The following ANKH variants were observed in gnomAD, a reference collection of about 807,000 sequenced individuals.
ANKH encodes the protein mineralization regulator ANKH.
Under a neutral mutation model 49.0 loss-of-function variants are expected in ANKH, and 15 were observed. That is an observed-to-expected ratio of 0.31 (90% CI 0.20 to 0.47). The LOEUF (loss-of-function observed/expected upper bound fraction) is 0.47. ANKH is among the 20% of genes least tolerant of loss of function. ANKH has a pLI of 1.00. For missense variants in ANKH, 429 were observed against 652.0 expected, an observed-to-expected ratio of 0.66 and a Z score of 3.72; for synonymous variants, 273 against 260.0, an observed-to-expected ratio of 1.05 and a Z score of -0.48.
chr5:14,788,869 A>G (rs572024273), intron 1 of ANKH, among the ~76,000 whole-genome samples: 67 of 152,304 alleles, frequency 4.4e-4, no homozygotes, highest in Middle Eastern at 3.4e-3. Context: ...CTGTGCAAAA[A>G]GGGGGAAAGA....
chr5:14,867,081 T>C (rs1364164365), intron 1 of ANKH, among the ~76,000 whole-genome samples: 1 of 141,076 alleles, frequency 7.1e-6, no homozygotes, highest in Non-Finnish European at 1.5e-5. Flanking sequence ...CGCTTGAGCC[T>C]GGGAAATGGT....
Position 14,718,831 on chromosome 5 carries a change from C to CA in ANKH, c.1012-1997_1012-1996insT, listed in dbSNP as rs1000393287. Among the ~76,000 whole-genome samples the CA allele has an allele frequency of 5.7e-5, 8 of 140,600 alleles. 1 individual carries two copies. The highest frequency in any genetic ancestry group is 7.7e-5 in the Non-Finnish European group (5 of 64,560). The allele number at this position is 140,600 out of a possible 152,430, so 92.2% of individuals were successfully genotyped here. ...CGAAACTCCATCCTCCCAACACCAC[C>CA]CCCCCCCCAAAAAAAAAAGACATAG... On this transcript the variant is annotated intron_variant, in intron 8 of 11. Coordinates refer to ENST00000284268, the MANE Select transcript of ANKH (RefSeq NM_054027.6).
At chr5:14,860,901 G>A (rs957878790) in intron 1 of ANKH, among the ~76,000 whole-genome samples, 3 of 152,012 alleles carry the variant, frequency 2.0e-5, no homozygotes, top group African/African-American at 7.2e-5. Context: ...TCCTGCCTCA[G>A]CCTCCCAAGT....
chr5:14,776,114 C>A (rs768221943), intron 1 of ANKH, among the ~76,000 whole-genome samples: 1 of 152,172 alleles, frequency 6.6e-6, no homozygotes, highest in South Asian at 2.1e-4. Flanking sequence ...GGCAGGGGGC[C>A]GCCCCCCGCA....
At position 14,770,548 on chromosome 5, in the gene ANKH, T is replaced by C. The variant is rs1739400438; in HGVS notation, c.97-1357A>G. Among the ~76,000 whole-genome samples, 1 of 152,104 alleles carries C rather than the reference T, an allele frequency of 6.6e-6. No individual in the cohort carries two copies. Among genetic ancestry groups the C allele is most frequent in the Non-Finnish European group, 1.5e-5 (1 of 68,034 alleles). ...TATTAACAATATATTATAATAAAAGTTTTATCAATGTGGTCTTTCTCTCAA... is the reference window on the plus strand; with the variant it reads ...TATTAACAATATATTATAATAAAAGCTTTATCAATGTGGTCTTTCTCTCAA... On this transcript the variant is annotated intron_variant, in intron 1 of 11. Transcript: ENST00000284268. This position sits in a 1 kb window ranked among gnomAD's most constrained non-coding sequence, Gnocchi z 4.1.
intron 5 of ANKH, 27 bp from the exon 6 acceptor site, chr5:14,749,333 T>TA (rs1738639148): frequency 6.2e-7 from 1 of 1,613,754 alleles, no homozygotes; most frequent in African/African-American, 1.3e-5. Context: ...AGATAAAAGT[T>TA]ACCTGAACTC....
intron 1 of ANKH, chr5:14,869,028 C>A (rs1735740026): frequency 6.6e-6 from 1 of 152,242 alleles, no homozygotes; most frequent in Non-Finnish European, 1.5e-5. Flanking sequence ...AGGTGTAATA[C>A]ACCTGCCCAC....
chr5:14,751,261 A>G, intron 4 of ANKH, 22 bp from the exon 5 acceptor site: 1 of 1,613,374 alleles, frequency 6.2e-7, no homozygotes, highest in African/African-American at 1.3e-5. Flanking sequence ...GAGAACGGGA[A>G]CAGGTCAGAG....
At position 14,738,204 on chromosome 5, in the gene ANKH, T is replaced by G. The variant is rs145524136; in HGVS notation, c.1011+3623A>C. 7.9e-5 allele frequency among the ~76,000 whole-genome samples: 12 copies of G among 152,256 alleles called. No homozygotes were observed. The East Asian group carries it at 1.5e-3, about 20-fold the overall frequency. The stretch of plus-strand genomic sequence containing the variant: ...GTGTAATAGGGAATAAACAAACACG[T>G]CATTGTAACATGCTGAAATGAGCCT... On this transcript the variant is annotated intron_variant, in intron 8 of 11. Transcript: ENST00000284268.
At chr5:14,871,306 G>A (rs368765666) in intron 1 of ANKH, 46 bp downstream of exon 1, 17 of 1,560,658 alleles carry the variant, frequency 1.1e-5, no homozygotes, top group Non-Finnish European at 1.5e-5. Context: ...GGGCGTGTAA[G>A]GCCAAGGCAG....
intron 8 of ANKH, among the ~76,000 whole-genome samples, chr5:14,736,598 G>A (rs140323894): frequency 0.01 from 1,558 of 152,064 alleles, 27 homozygotes; most frequent in African/African-American, 0.035. Flanking sequence ...TCTCTGAGTC[G>A]TCACCTCCCC....
intron 1 of ANKH, among the ~76,000 whole-genome samples, chr5:14,773,381 T>TTTTTTTAAA (rs1410351061): frequency 7.7e-6 from 1 of 129,960 alleles, no homozygotes. Context: ...TTTTTTTTGC[T>TTTTTTTAAA]AAAAACACAC....
At chr5:14,852,800 A>G (rs922186696) in intron 1 of ANKH, among the ~76,000 whole-genome samples, 1 of 152,074 alleles carries the variant, frequency 6.6e-6, no homozygotes, top group African/African-American at 2.4e-5. Flanking sequence ...CTTTTACCTT[A>G]CCATCCCGGC....
rs911693760 is a variant in ANKH, at chr5:14,709,985, A to G, written c.*1212T>C. On this transcript the variant is annotated 3_prime_UTR_variant, in exon 12 of 12. Coordinates refer to ENST00000284268, the MANE Select transcript of ANKH (RefSeq NM_054027.6). Reference sequence around the variant, plus strand: ...ATCAATTTAGTGAACCGTGTCTATAATTTTTTTAAAGGAAAAAACCTGCTT... The same window carrying G: ...ATCAATTTAGTGAACCGTGTCTATAGTTTTTTTAAAGGAAAAAACCTGCTT... The G allele has an allele frequency of 2.0e-5, 3 of 152,216 alleles. No homozygotes were observed. Among genetic ancestry groups the G allele is most frequent in the Non-Finnish European group, 4.4e-5 (3 of 68,034 alleles). 9.4% of individuals were successfully genotyped at this position (152,216 alleles called of 1,614,324 possible). A position where few individuals can be genotyped will look rare whatever the true frequency, so the allele number is the denominator to read the frequency against.
chr5:14,727,063 T>A (rs1247130432), intron 8 of ANKH, among the ~76,000 whole-genome samples: 2 of 151,168 alleles, frequency 1.3e-5, no homozygotes, highest in African/African-American at 4.9e-5. Flanking sequence ...CGGGAAGGAG[T>A]TTTTACTTAA....
chr5:14,790,402 C>T (rs1740124984), intron 1 of ANKH, among the ~76,000 whole-genome samples: 1 of 152,174 alleles, frequency 6.6e-6, no homozygotes, highest in African/African-American at 2.4e-5. Flanking sequence ...GAAGTCCCAA[C>T]TTTGAAAAAC....
chr5:14,813,955 C>T (rs1740958515), intron 1 of ANKH, among the ~76,000 whole-genome samples: 1 of 152,164 alleles, frequency 6.6e-6, no homozygotes, highest in African/African-American at 2.4e-5. Context: ...AGCCCCCAAG[C>T]ATCACAGCTG....
At chr5:14,862,466 C>T (rs927050076) in intron 1 of ANKH, among the ~76,000 whole-genome samples, 1 of 152,146 alleles carries the variant, frequency 6.6e-6, no homozygotes, top group Non-Finnish European at 1.5e-5. Context: ...AGAAAAACAA[C>T]ACCTGGGCTG....
chr5:14,740,387 T>C (rs554441996), intron 8 of ANKH, among the ~76,000 whole-genome samples: 1 of 152,330 alleles, frequency 6.6e-6, no homozygotes, highest in East Asian at 1.9e-4. Flanking sequence ...ATGGAAAAGC[T>C]TGGGCACCAC....
Sources: allele counts gnomAD v4.1 joint callset (sites outside exome capture counted in the v4.1 genomes callset), GRCh38; gene constraint gnomAD v4.1.1; non-coding constraint Gnocchi (gnomAD v3.1); transcripts MANE v1.5; gene names NCBI Gene and HGNC (gene_info 2026-07-23, HGNC 2026-07-21).